Variants in ZNF469 observed in about 807,000 individuals in gnomAD.
ZNF469 encodes zinc finger protein 469.
A neutral mutation model predicts 1.0 loss-of-function variants in ZNF469; 1 was observed. The observed-to-expected ratio is 1.00, with a 90% CI of 0.35 to 4.73. ZNF469 has a LOEUF of 4.73. Ranked by LOEUF, ZNF469 falls within the 30% of genes most tolerant of loss-of-function variation. The pLI is 0.16. For missense variants in ZNF469, 6,100 were observed against 5,356.3 expected (o/e 1.14, Z -4.33); for synonymous variants, 2,703 against 2,363.4 (o/e 1.14, Z -4.17).
chr16:88,147,342 C>G, the ZNF469 span, among the ~76,000 whole-genome samples: 10 of 152,094 alleles, frequency 6.6e-5, no homozygotes, highest in African/African-American at 2.4e-4. Flanking sequence ...ACGTCGACCT[C>G]TGACCTTCAG....
the ZNF469 span, among the ~76,000 whole-genome samples, chr16:88,341,689 GC>G: frequency 6.6e-6 from 1 of 152,206 alleles, no homozygotes; most frequent in Non-Finnish European, 1.5e-5. Context: ...ATCTGCGGGG[GC>G]ATGGATGCAT....
intron 1 of ZNF469, among the ~76,000 whole-genome samples, chr16:88,399,253 C>T (rs901104575): frequency 1.3e-5 from 2 of 152,194 alleles, no homozygotes; most frequent in Non-Finnish European, 2.9e-5. Context: ...CATGTGATGG[C>T]GAAGTCTCCA....
At chr16:88,223,518 CT>C in the ZNF469 span, among the ~76,000 whole-genome samples, 2 of 152,292 alleles carry the variant, frequency 1.3e-5, no homozygotes, top group East Asian at 3.9e-4. Flanking sequence ...ATCACACAAC[CT>C]TTTCACTCAT....
the ZNF469 span, among the ~76,000 whole-genome samples, chr16:88,139,739 C>A: frequency 6.6e-6 from 1 of 152,286 alleles, no homozygotes; most frequent in Non-Finnish European, 1.5e-5. Context: ...AAATTGCTGT[C>A]TGTCCAGGCT....
At chr16:88,360,984 T>C in the ZNF469 span, among the ~76,000 whole-genome samples, 7 of 152,246 alleles carry the variant, frequency 4.6e-5, no homozygotes, top group Non-Finnish European at 1.0e-4. Context: ...TTTCTATTAT[T>C]ATTACATTGC....
the ZNF469 span, among the ~76,000 whole-genome samples, chr16:88,330,323 G>A: frequency 1.3e-5 from 2 of 152,182 alleles, no homozygotes; most frequent in Non-Finnish European, 2.9e-5. Context: ...GTGTACTGTC[G>A]GATACGGTCC....
rs1364680502 is a variant in ZNF469, at chr16:88,432,037, G to T, written c.4567G>T (p.Val1523Leu). Residue 1523 changes from valine (V) to leucine (L), a missense_variant, in exon 3 of 3, where the codon GTG becomes TTG. Val to Leu is a conservative substitution (Grantham distance 32). Transcript: ENST00000565624. ...TTTTCCTGATCTCTCGGGGGGAAAG[G>T]TGCTCAGTAAGACGTGTCCCCCTGA... ...SHFPDLSGGK[V>L]LSKTCPPERT... The T allele has an allele frequency of 1.3e-6, 2 of 1,550,548 alleles. No individual in the cohort carries two copies. Among genetic ancestry groups the T allele is most frequent in the South Asian group, 2.4e-5 (2 of 84,058 alleles).
the ZNF469 span, among the ~76,000 whole-genome samples, chr16:88,286,275 G>A: frequency 2.0e-5 from 3 of 152,196 alleles, no homozygotes; most frequent in African/African-American, 7.2e-5. Context: ...GGGCCTCAGC[G>A]GCAGCTAACT....
Position 88,436,417 on chromosome 16 carries a change from C to T in ZNF469, c.8947C>T (p.Arg2983Trp), listed in dbSNP as rs1198933397. 6.5e-6 allele frequency: 10 copies of T among 1,548,884 alleles called. No homozygotes were observed. Among genetic ancestry groups the T allele is most frequent in the South Asian group, 2.4e-5 (2 of 84,056 alleles). Residue 2983 changes from arginine to tryptophan, a missense_variant, in exon 3 of 3, where the codon CGG (arginine) becomes TGG (tryptophan). Coordinates refer to ENST00000565624, the MANE Select transcript of ZNF469 (RefSeq NM_001367624.2). ...KLPSHCPEDD[R>W]PEAIPELHMV... ...GCCCTCCCACTGCCCCGAGGACGATCGGCCGGAGGCCATTCCTGAGCTGCA... is the reference window on the plus strand; with the variant it reads ...GCCCTCCCACTGCCCCGAGGACGATTGGCCGGAGGCCATTCCTGAGCTGCA...
chr16:88,198,182 C>T, the ZNF469 span, among the ~76,000 whole-genome samples: 4 of 152,160 alleles, frequency 2.6e-5, no homozygotes, highest in South Asian at 4.1e-4. Flanking sequence ...CTGCATTGCA[C>T]GGGGTGAGAT....
chr16:88,369,475 C>T, the ZNF469 span, among the ~76,000 whole-genome samples: 15 of 152,338 alleles, frequency 9.8e-5, no homozygotes, highest in South Asian at 3.1e-3. Flanking sequence ...ACCCAAGCCA[C>T]ATGAGGAGAA....
At chr16:88,120,925 G>T in the ZNF469 span, among the ~76,000 whole-genome samples, 2 of 152,316 alleles carry the variant, frequency 1.3e-5, no homozygotes, top group African/African-American at 2.4e-5. Flanking sequence ...TTGGTCCTCA[G>T]CCATGCGGCG....
At chr16:88,125,223 A>G in the ZNF469 span, among the ~76,000 whole-genome samples, 1 of 152,224 alleles carries the variant, frequency 6.6e-6, no homozygotes, top group African/African-American at 2.4e-5. Context: ...ATTGATCTAC[A>G]CATCTATCTT....
the ZNF469 span, among the ~76,000 whole-genome samples, chr16:88,147,737 T>C: frequency 6.6e-6 from 1 of 152,110 alleles, no homozygotes; most frequent in East Asian, 1.9e-4. Flanking sequence ...ACTGTGAGCA[T>C]GTTGGATGCA....
the ZNF469 span, among the ~76,000 whole-genome samples, chr16:88,164,897 A>G: frequency 6.6e-6 from 1 of 152,170 alleles, no homozygotes; most frequent in Non-Finnish European, 1.5e-5. Flanking sequence ...ATCACAGTCT[A>G]CACTGAGCGT....
At position 88,434,144 on chromosome 16, in the gene ZNF469, C is replaced by T; in HGVS notation, c.6674C>T (p.Pro2225Leu). Reference sequence around the variant, plus strand: ...GGGGAGGGCAGCCCCCTGGAAGACCCTTCCTCCTGGCCTCCTGGCTCCGTC... The same window carrying T: ...GGGGAGGGCAGCCCCCTGGAAGACCTTTCCTCCTGGCCTCCTGGCTCCGTC... Reference protein sequence around the residue: ...LQGEGSPLEDPSSWPPGSVSA... With the variant: ...LQGEGSPLEDLSSWPPGSVSA... Residue 2225 changes from proline (P) to leucine (L), a missense_variant, in exon 3 of 3, where the codon CCT becomes CTT. Physicochemically the swap from Pro to Leu is moderately conservative, Grantham distance 98. Transcript: ENST00000565624. 6.5e-7 allele frequency: 1 copy of T among 1,550,368 alleles called. No individual in the cohort carries two copies. The highest frequency in any genetic ancestry group is 8.7e-7 in the Non-Finnish European group (1 of 1,146,970).
At chr16:88,102,140 G>A in the ZNF469 span, among the ~76,000 whole-genome samples, 5 of 145,692 alleles carry the variant, frequency 3.4e-5, no homozygotes, top group African/African-American at 1.3e-4. Context: ...GAATTCCCAT[G>A]TGCTGGTGAT....
At chr16:88,133,830 A>C in the ZNF469 span, among the ~76,000 whole-genome samples, 4 of 152,242 alleles carry the variant, frequency 2.6e-5, no homozygotes, top group African/African-American at 9.6e-5. Context: ...ACAGTGGCTC[A>C]CGCCTGTAAT....
chr16:88,167,769 C>T, the ZNF469 span, among the ~76,000 whole-genome samples: 1 of 152,322 alleles, frequency 6.6e-6, no homozygotes, highest in African/African-American at 2.4e-5. Context: ...CCACCAAGCC[C>T]CCTCCCCTGG....
Sources: gnomAD v4.1 joint callset for allele counts (sites outside exome capture counted in the v4.1 genomes callset) on GRCh38, gnomAD v4.1.1 for gene constraint, MANE v1.5 for transcripts, NCBI Gene and HGNC (gene_info 2026-07-23, HGNC 2026-07-21) for gene names.